CLDN10: variants seen among roughly 807,000 people sequenced by gnomAD.
CLDN10 encodes the protein claudin 10.
A neutral mutation model predicts 22.9 loss-of-function variants in CLDN10; 15 were observed. The ratio of observed to expected loss-of-function variants is 0.65; its 90% CI spans 0.44 to 1.01. The LOEUF (loss-of-function observed/expected upper bound fraction) is 1.01, where lower values mean the gene tolerates loss of function less well. Among genes scored for constraint, CLDN10 ranks in the 50% least tolerant of loss-of-function variants. The pLI is 0.00. For synonymous variants in CLDN10, 114 were observed against 111.4 expected (o/e 1.02, Z -0.15); for missense variants, 247 against 287.8 (o/e 0.86, Z 1.03).
chr13:95,556,024 G>A (rs142267167), intron 1 of CLDN10, among the ~76,000 whole-genome samples: 16 of 152,128 alleles, frequency 1.1e-4, no homozygotes, highest in African/African-American at 3.4e-4. Flanking sequence ...GGAGTCAAAC[G>A]ACGAGGTCAT....
intron 1 of CLDN10, among the ~76,000 whole-genome samples, chr13:95,450,194 T>A (rs561850572): frequency 7.2e-5 from 11 of 152,340 alleles, no homozygotes; most frequent in African/African-American, 2.6e-4. Context: ...AGTTTTCTTA[T>A]CTGTAAAATG....
intron 3 of CLDN10, among the ~76,000 whole-genome samples, chr13:95,575,454 G>A (rs1159530728): frequency 6.6e-6 from 1 of 152,178 alleles, no homozygotes; most frequent in Admixed American, 6.5e-5. Context: ...TAAAAGCAGG[G>A]CTGATTGCAG....
upstream of CLDN10, chr13:95,552,616 C>T: frequency 8.9e-7 from 1 of 1,127,786 alleles, no homozygotes; most frequent in Non-Finnish European, 1.2e-6. Flanking sequence ...CGCCCCCTGG[C>T]GCCGGGTCCG....
intron 1 of CLDN10, among the ~76,000 whole-genome samples, chr13:95,502,607 C>T (rs887470865): frequency 6.6e-6 from 1 of 152,160 alleles, no homozygotes; most frequent in Non-Finnish European, 1.5e-5. Flanking sequence ...GTAACCTCCA[C>T]CTCCCAGGTT....
At chr13:95,536,399 A>C (rs2138615520) in intron 1 of CLDN10, among the ~76,000 whole-genome samples, 1 of 152,282 alleles carries the variant, frequency 6.6e-6, no homozygotes. Context: ...CAGTAAGCCG[A>C]GATCACGCCA....
chr13:95,462,346 C>T (rs2139090581), intron 1 of CLDN10, among the ~76,000 whole-genome samples: 1 of 152,304 alleles, frequency 6.6e-6, no homozygotes, highest in South Asian at 2.1e-4. Context: ...TTTATAGCCA[C>T]TTTTACTTAT....
chr13:95,502,073 G>A (rs747599065), intron 1 of CLDN10, among the ~76,000 whole-genome samples: 29 of 152,086 alleles, frequency 1.9e-4, no homozygotes, highest in Non-Finnish European at 3.1e-4. Flanking sequence ...AACCACCCCA[G>A]CCCCCACACC....
chr13:95,567,853 G>C (rs1399563380), intron 3 of CLDN10, among the ~76,000 whole-genome samples: 3 of 152,132 alleles, frequency 2.0e-5, no homozygotes, highest in African/African-American at 7.2e-5. Context: ...TTTGTCGAAG[G>C]CCTTTTTTGC....
chr13:95,567,904 T>C (rs554397379), intron 3 of CLDN10, among the ~76,000 whole-genome samples: 1 of 152,320 alleles, frequency 6.6e-6, no homozygotes, highest in South Asian at 2.1e-4. Context: ...GTTGGTTCTG[T>C]TTATGTGATG....
chr13:95,457,649 C>T (rs193224496), intron 1 of CLDN10, among the ~76,000 whole-genome samples: 2 of 152,094 alleles, frequency 1.3e-5, no homozygotes, highest in Non-Finnish European at 2.9e-5. Flanking sequence ...ATTTTCTGAC[C>T]CTCAGTTTCG....
chr13:95,474,746 T>C (rs893465009), intron 1 of CLDN10, among the ~76,000 whole-genome samples: 19 of 151,468 alleles, frequency 1.3e-4, no homozygotes, highest in African/African-American at 3.6e-4. Flanking sequence ...AAAAGGCAAG[T>C]AGAGATTGAT....
chr13:95,459,831 T>C (rs2042518079), intron 1 of CLDN10, among the ~76,000 whole-genome samples: 1 of 152,228 alleles, frequency 6.6e-6, no homozygotes, highest in Non-Finnish European at 1.5e-5. Context: ...TTATATTGCA[T>C]TGTCAGGCTG....
At position 95,579,280 on chromosome 13, in the gene CLDN10, A is replaced by G. The variant is rs1011219008; in HGVS notation, c.*1266A>G. 1.1e-4 allele frequency: 16 copies of G among 152,348 alleles called. No homozygotes were observed. The highest frequency in any genetic ancestry group is 8.5e-4 in the Admixed American group (13 of 15,302). 9.4% of individuals were successfully genotyped at this position (152,348 alleles called of 1,614,324 possible). ...TGAGAGACTTGTCATTTCTAAAGAC[A>G]TTTAAGTTGCTCCAGGGATTTCTGA... On this transcript the variant is annotated 3_prime_UTR_variant, in exon 5 of 5. Coordinates refer to ENST00000299339, the MANE Select transcript of CLDN10 (RefSeq NM_006984.5).
intron 1 of CLDN10, among the ~76,000 whole-genome samples, chr13:95,487,883 G>A (rs1015313361): frequency 7.2e-5 from 11 of 151,878 alleles, no homozygotes; most frequent in African/African-American, 2.7e-4. Context: ...TCACAGTGTT[G>A]CTCAAGCTGG....
At chr13:95,525,145 AC>A (rs2043267831) in intron 1 of CLDN10, among the ~76,000 whole-genome samples, 1 of 152,188 alleles carries the variant, frequency 6.6e-6, no homozygotes, top group African/African-American at 2.4e-5. Flanking sequence ...GGCATGAGCC[AC>A]CACTCCTGGC....
chr13:95,536,441 T>G (rs936175193), intron 1 of CLDN10, among the ~76,000 whole-genome samples: 4 of 152,006 alleles, frequency 2.6e-5, no homozygotes, highest in African/African-American at 9.7e-5. Flanking sequence ...AGAGCAAGAC[T>G]CTGTCTCAAA....
chr13:95,548,844 C>T (rs1201765110), upstream of CLDN10, among the ~76,000 whole-genome samples: 2 of 152,032 alleles, frequency 1.3e-5, no homozygotes, highest in African/African-American at 4.8e-5. Flanking sequence ...CTAATGTATA[C>T]TGAAACCAAA....
intron 1 of CLDN10, among the ~76,000 whole-genome samples, chr13:95,546,318 C>T (rs949943506): frequency 2.0e-5 from 3 of 152,024 alleles, no homozygotes; most frequent in African/African-American, 7.2e-5. Context: ...TGAAACCTCA[C>T]CTCCACCACC....
chr13:95,549,581 G>A (rs2043543901), upstream of CLDN10, among the ~76,000 whole-genome samples: 2 of 152,260 alleles, frequency 1.3e-5, no homozygotes, highest in East Asian at 1.9e-4. Flanking sequence ...AAATAAAAAT[G>A]TTTGATTCAT....
Sources: allele counts gnomAD v4.1 joint callset (sites outside exome capture counted in the v4.1 genomes callset), GRCh38; gene constraint gnomAD v4.1.1; transcripts MANE v1.5; gene names NCBI Gene and HGNC (gene_info 2026-07-23, HGNC 2026-07-21).